Variants in SLC2A13 observed in about 807,000 individuals in gnomAD.
SLC2A13 encodes proton myo-inositol cotransporter.
A neutral mutation model predicts 64.4 loss-of-function variants in SLC2A13; 32 were observed. The ratio of observed to expected loss-of-function variants is 0.50; its 90% CI spans 0.37 to 0.67. The LOEUF is 0.67. SLC2A13 is among the 30% of genes least tolerant of loss of function. The pLI is 0.00. For missense variants in SLC2A13, 743 were observed against 829.2 expected (o/e 0.90, Z 1.28); for synonymous variants, 338 against 327.1 (o/e 1.03, Z -0.36).
chr12:39,768,820 T>C (rs76743995), intron 7 of SLC2A13, among the ~76,000 whole-genome samples: 2 of 152,164 alleles, frequency 1.3e-5, no homozygotes, highest in East Asian at 3.9e-4. Flanking sequence ...AATGAGCACA[T>C]ACTATTGGAA....
At chr12:39,900,142 C>A (rs145158678) in intron 4 of SLC2A13, among the ~76,000 whole-genome samples, 1 of 128,184 alleles carries the variant, frequency 7.8e-6, no homozygotes, top group Non-Finnish European at 1.7e-5. Flanking sequence ...ATTCAACAAC[C>A]CTTCAGGCTA....
In SLC2A13 at chr12:39,864,783, T is replaced by C. The variant is rs563739300; in HGVS notation, c.1298A>G (p.Asn433Ser). 6.2e-7 allele frequency: 1 copy of C among 1,614,020 alleles called. No homozygotes were observed. The highest frequency in any genetic ancestry group is 8.5e-7 in the Non-Finnish European group (1 of 1,179,936). ...TCACCTGTATCTTGTGCAAGTGGCGTTCTGACCTGACGGAGCTATTGGCTT... is the reference window on the plus strand; with the variant it reads ...TCACCTGTATCTTGTGCAAGTGGCGCTCTGACCTGACGGAGCTATTGGCTT... ...TFKPIAPSGQ[N>S]ATCTRYSYCN... is the part of the protein sequence containing the mutation. Residue 433 changes from asparagine to serine, a missense_variant, in exon 6 of 10, where the codon AAC becomes AGC. By Grantham distance (46) the Asn-to-Ser change is conservative. This residue lies in a region of SLC2A13 where 295 missense variants were observed against 381.7 expected (regional missense o/e 0.77). Coordinates refer to ENST00000280871, the MANE Select transcript of SLC2A13 (RefSeq NM_052885.4).
At chr12:39,885,642 C>T (rs757522865) in intron 4 of SLC2A13, among the ~76,000 whole-genome samples, 12 of 152,230 alleles carry the variant, frequency 7.9e-5, no homozygotes, top group Non-Finnish European at 1.5e-4. Flanking sequence ...GGCCTTAGTA[C>T]ATAGGAATTC....
intron 1 of SLC2A13, among the ~76,000 whole-genome samples, chr12:40,098,067 GTA>G (rs555125811): frequency 1.3e-5 from 2 of 150,740 alleles, no homozygotes; most frequent in African/African-American, 2.4e-5. Context: ...GTATATATGT[GTA>G]TATATATGTA....
At chr12:39,947,498 C>A (rs1946155723) in intron 4 of SLC2A13, among the ~76,000 whole-genome samples, 1 of 152,162 alleles carries the variant, frequency 6.6e-6, no homozygotes. Context: ...CTACGTACAC[C>A]TTTCCTCCTC....
intron 1 of SLC2A13, among the ~76,000 whole-genome samples, chr12:40,090,571 T>C (rs1286577960): frequency 6.6e-6 from 1 of 151,642 alleles, no homozygotes; most frequent in Non-Finnish European, 1.5e-5. Flanking sequence ...ACTATAATTC[T>C]GTATTCTTAA....
At chr12:39,941,217 G>A (rs748719297) in intron 4 of SLC2A13, among the ~76,000 whole-genome samples, 7 of 151,968 alleles carry the variant, frequency 4.6e-5, no homozygotes, top group Non-Finnish European at 1.0e-4. Context: ...ATTGTGAATT[G>A]TGCTGCTATA....
intron 4 of SLC2A13, chr12:39,949,603 G>A (rs1291827457): frequency 6.6e-6 from 1 of 152,164 alleles, no homozygotes; most frequent in Admixed American, 6.5e-5. Context: ...ACTGGCCCCA[G>A]TCACTACCCA....
chr12:39,891,987 G>A (rs981245481), intron 4 of SLC2A13, among the ~76,000 whole-genome samples: 3 of 151,970 alleles, frequency 2.0e-5, no homozygotes, highest in Non-Finnish European at 4.4e-5. Context: ...TTTTTTACTA[G>A]GTTTAATCAA....
At chr12:39,815,031 G>A (rs187072248) in intron 7 of SLC2A13, among the ~76,000 whole-genome samples, 144 of 151,798 alleles carry the variant, frequency 9.5e-4, no homozygotes, top group Admixed American at 1.6e-3. Flanking sequence ...GCAAGATCTA[G>A]TGTTATTACT....
At position 40,105,727 on chromosome 12, in the gene SLC2A13, G is replaced by A; in HGVS notation, c.82C>T (p.Pro28Ser). ...GCCGCGCTCGCCGCGTCCGGCTCCG[G>A]CTGCTTCCTGCGCCGCTCGCCCATC... ...SLMGERRRKQ[P>S]EPDAASAAGE... Residue 28 changes from proline to serine, a missense_variant, in exon 1 of 10, where the codon CCG (proline) becomes TCG (serine). Physicochemically the swap from Pro to Ser is moderately conservative, Grantham distance 74 (BLOSUM62 -1). Transcript: ENST00000280871. The surrounding 1 kb of genome is among the most constrained non-coding windows in gnomAD (Gnocchi z 4.2). The A allele has an allele frequency of 6.7e-7, 1 of 1,482,466 alleles. No individual in the cohort carries two copies. The highest frequency in any genetic ancestry group is 9.0e-7 in the Non-Finnish European group (1 of 1,116,958). 91.8% of individuals were successfully genotyped at this position (1,482,466 alleles called of 1,614,324 possible).
At chr12:39,763,167 A>G (rs1460660913) in intron 9 of SLC2A13, among the ~76,000 whole-genome samples, 1 of 152,060 alleles carries the variant, frequency 6.6e-6, no homozygotes, top group African/African-American at 2.4e-5. Context: ...GAAAAATTTT[A>G]ATTGCCAAAT....
intron 9 of SLC2A13, among the ~76,000 whole-genome samples, chr12:39,761,346 A>C (rs1940140163): frequency 6.6e-6 from 1 of 152,042 alleles, no homozygotes; most frequent in African/African-American, 2.4e-5. Flanking sequence ...AGATATAGTT[A>C]AGAGATGGTT....
At chr12:39,939,549 C>G (rs1945983233) in intron 4 of SLC2A13, among the ~76,000 whole-genome samples, 2 of 152,160 alleles carry the variant, frequency 1.3e-5, no homozygotes, top group African/African-American at 4.8e-5. Context: ...CAAGGAAAGT[C>G]TATCACATCA....
At chr12:40,102,330 C>A (rs1369960754) in intron 1 of SLC2A13, among the ~76,000 whole-genome samples, 3 of 152,116 alleles carry the variant, frequency 2.0e-5, no homozygotes, top group Non-Finnish European at 4.4e-5. Context: ...ACAACCAAAA[C>A]CTTTAGATGC....
At chr12:39,947,809 C>T (rs12423983) in intron 4 of SLC2A13, among the ~76,000 whole-genome samples, 8,651 of 151,780 alleles carry the variant, frequency 0.057, 375 homozygotes, top group Admixed American at 0.13. Flanking sequence ...TACAGGCGCC[C>T]GCCACTATGC....
intron 3 of SLC2A13, among the ~76,000 whole-genome samples, chr12:39,997,385 T>C (rs1947249075): frequency 6.6e-6 from 1 of 151,936 alleles, no homozygotes; most frequent in Admixed American, 6.6e-5. Context: ...AAAAATCAAC[T>C]CAAGATGGAT....
chr12:40,046,860 G>C (rs1202120224), intron 2 of SLC2A13, among the ~76,000 whole-genome samples: 1 of 151,432 alleles, frequency 6.6e-6, no homozygotes, highest in Non-Finnish European at 1.5e-5. Context: ...CTTACAAGCA[G>C]TTTAATTCCC....
chr12:39,764,424 AAAAAC>A, intron 9 of SLC2A13, 31 bp downstream of exon 9: 1 of 1,497,770 alleles, frequency 6.7e-7, no homozygotes, highest in Non-Finnish European at 8.9e-7. Flanking sequence ...TGATAAAAAT[AAAAAC>A]AAAACTATGT....
Sources: gnomAD v4.1 joint callset for allele counts (sites outside exome capture counted in the v4.1 genomes callset) on GRCh38, gnomAD v4.1.1 for gene constraint, gnomAD v4.1.1 regional missense constraint, Gnocchi (gnomAD v3.1) non-coding constraint, MANE v1.5 for transcripts, NCBI Gene and HGNC (gene_info 2026-07-23, HGNC 2026-07-21) for gene names.